Variants in CNOT6 observed in about 807,000 individuals in gnomAD.
CNOT6 encodes the protein carbon catabolite repression 4 protein.
Under a neutral mutation model 61.2 loss-of-function variants are expected in CNOT6, and 12 were observed. That is an observed-to-expected ratio of 0.20 (90% CI 0.13 to 0.32). The LOEUF (loss-of-function observed/expected upper bound fraction) is 0.32, where lower values mean the gene tolerates loss of function less well. Among genes scored for constraint, CNOT6 ranks in the 10% least tolerant of loss-of-function variants. CNOT6 has a pLI of 1.00. For synonymous variants in CNOT6, 225 were observed against 240.6 expected (o/e 0.94, Z 0.60); for missense variants, 405 against 663.9 (o/e 0.61, Z 4.28).
chr5:180,565,595 C>G (rs569807685), intron 6 of CNOT6, among the ~76,000 whole-genome samples: 52 of 152,146 alleles, frequency 3.4e-4, no homozygotes, highest in Non-Finnish European at 6.9e-4. Context: ...CTGTGCCTAC[C>G]TCTGTAGCAG....
At chr5:180,537,677 TTG>T (rs1444692618) in intron 2 of CNOT6, among the ~76,000 whole-genome samples, 1 of 152,170 alleles carries the variant, frequency 6.6e-6, no homozygotes, top group African/African-American at 2.4e-5. Context: ...CTTGACAGTA[TTG>T]TGTCTTCATA....
At chr5:180,549,829 T>C in intron 2 of CNOT6, 102 bp from the exon 3 acceptor site, 1 of 844,242 alleles carries the variant, frequency 1.2e-6, no homozygotes, top group East Asian at 2.5e-5. Context: ...TTTTGGATAA[T>C]AATTTAAGTT....
chr5:180,555,282 C>G (rs989130073), intron 4 of CNOT6, among the ~76,000 whole-genome samples: 4 of 152,178 alleles, frequency 2.6e-5, no homozygotes, highest in African/African-American at 9.7e-5. Flanking sequence ...GCTGGGGTTA[C>G]AGGCGTGAGC....
intron 1 of CNOT6, among the ~76,000 whole-genome samples, chr5:180,524,259 A>G (rs367720668): frequency 6.6e-6 from 1 of 152,236 alleles, no homozygotes; most frequent in East Asian, 1.9e-4. Flanking sequence ...GTGACATACT[A>G]TACTTTTTAG....
At chr5:180,549,243 T>C (rs552202249) in intron 2 of CNOT6, among the ~76,000 whole-genome samples, 9 of 152,302 alleles carry the variant, frequency 5.9e-5, no homozygotes, top group Admixed American at 5.9e-4. Flanking sequence ...GCCTCTGAGA[T>C]AGTAGAATTT....
At chr5:180,535,982 A>G (rs376187952) in intron 2 of CNOT6, among the ~76,000 whole-genome samples, 3 of 94,594 alleles carry the variant, frequency 3.2e-5, no homozygotes, top group African/African-American at 4.6e-5. Context: ...TTGCCCACTT[A>G]TTAGGGTTTT....
chr5:180,510,810 A>AC (rs1278719789), intron 1 of CNOT6, among the ~76,000 whole-genome samples: 2 of 151,330 alleles, frequency 1.3e-5, no homozygotes, highest in Admixed American at 1.3e-4. Flanking sequence ...TAGCACAGTT[A>AC]CTTTTTTTTT....
At chr5:180,548,699 T>G (rs538047785) in intron 2 of CNOT6, among the ~76,000 whole-genome samples, 166 of 152,358 alleles carry the variant, frequency 1.1e-3, no homozygotes, top group African/African-American at 3.9e-3. Context: ...AGAAATTTGC[T>G]GATTCATGTA....
intron 2 of CNOT6, among the ~76,000 whole-genome samples, chr5:180,541,584 T>C (rs1759045891): frequency 6.6e-6 from 1 of 150,836 alleles, no homozygotes; most frequent in Non-Finnish European, 1.5e-5. Context: ...CCCGAGTAGC[T>C]GGGACTAACA....
intron 4 of CNOT6, among the ~76,000 whole-genome samples, chr5:180,554,977 T>A (rs1430648425): frequency 6.6e-6 from 1 of 152,118 alleles, no homozygotes; most frequent in Non-Finnish European, 1.5e-5. Context: ...TCACAAACTT[T>A]ATTTGAAGTT....
At chr5:180,569,759 C>T (rs1306162372) in intron 10 of CNOT6, among the ~76,000 whole-genome samples, 1 of 152,098 alleles carries the variant, frequency 6.6e-6, no homozygotes, top group African/African-American at 2.4e-5. Context: ...TAGAAAAATA[C>T]ACCTCAGGTG....
At chr5:180,528,986 G>A (rs565316408) in intron 1 of CNOT6, among the ~76,000 whole-genome samples, 7 of 152,148 alleles carry the variant, frequency 4.6e-5, no homozygotes, top group Admixed American at 2.0e-4. Context: ...CAAGGCGGGC[G>A]GATCATGAGG....
chr5:180,572,709 C>A (rs1384607380), intron 11 of CNOT6, among the ~76,000 whole-genome samples: 1 of 144,434 alleles, frequency 6.9e-6, no homozygotes, highest in African/African-American at 2.5e-5. Flanking sequence ...GCCGCCATAC[C>A]CAGATCTTTT....
At position 180,576,778 on chromosome 5, in the gene CNOT6, A is replaced by G. The variant is rs188363858; in HGVS notation, c.*2578A>G. 1 of 152,340 alleles carries G rather than the reference A, an allele frequency of 6.6e-6. No individual in the cohort carries two copies. Among genetic ancestry groups the G allele is most frequent in the Admixed American group, 6.5e-5 (1 of 15,302 alleles). The allele number at this position is 152,340 out of a possible 1,614,324, so 9.4% of individuals were successfully genotyped here. ...TTCCGTGTCCTAAATAATTTTCAAT[A>G]ATCTATAATCCCTAAAATGCAATAA... On this transcript the variant is annotated 3_prime_UTR_variant, in exon 12 of 12. Coordinates refer to ENST00000261951, the MANE Select transcript of CNOT6 (RefSeq NM_001370472.1).
At chr5:180,564,931 A>G (rs1760376947) in intron 6 of CNOT6, among the ~76,000 whole-genome samples, 188 bp downstream of exon 6, 1 of 152,242 alleles carries the variant, frequency 6.6e-6, no homozygotes, top group South Asian at 2.1e-4. Context: ...CTATATAGAA[A>G]GTGTGCTATA....
chr5:180,563,057 A>G (rs1361758332), intron 4 of CNOT6, among the ~76,000 whole-genome samples: 2 of 152,216 alleles, frequency 1.3e-5, no homozygotes, highest in Non-Finnish European at 2.9e-5. Flanking sequence ...TAGAATCTTA[A>G]AACCGAAAGA....
At chr5:180,558,863 C>T (rs114253469) in intron 4 of CNOT6, among the ~76,000 whole-genome samples, 2,007 of 152,100 alleles carry the variant, frequency 0.013, 48 homozygotes, top group African/African-American at 0.046. Context: ...GGTTGGCTTC[C>T]GACTCTTGAG....
rs1761095818 is a variant in CNOT6, at chr5:180,578,298, T to C, written c.*4098T>C. On this transcript the variant is annotated 3_prime_UTR_variant, in exon 12 of 12. Coordinates refer to ENST00000261951, the MANE Select transcript of CNOT6 (RefSeq NM_001370472.1). The stretch of plus-strand genomic sequence containing the variant: ...GATATAAGGAATGGGCTCATGTGTC[T>C]TCCGTCTTTTGGAAGGAGGTTGACA... 1.3e-5 allele frequency: 2 copies of C among 152,784 alleles called. No individual in the cohort carries two copies. The highest frequency in any genetic ancestry group is 2.4e-5 in the African/African-American group (1 of 41,592). The allele number at this position is 152,784 out of a possible 1,614,324, so 9.5% of individuals were successfully genotyped here.
At position 180,571,403 on chromosome 5, in the gene CNOT6, C is replaced by T. The variant is rs748020280; in HGVS notation, c.1432C>T (p.Pro478Ser). The T allele has an allele frequency of 1.2e-6, 2 of 1,613,940 alleles. No homozygotes were observed. The highest frequency in any genetic ancestry group is 1.7e-6 in the Non-Finnish European group (2 of 1,179,842). The change falls in exon 11 of 12, where the codon CCT becomes TCT. Residue 478 changes from proline to serine, a missense_variant. Physicochemically the swap from Pro to Ser is moderately conservative, Grantham distance 74. This residue lies in a region of CNOT6 where 116 missense variants were observed against 184.6 expected (regional missense o/e 0.63). Coordinates refer to ENST00000261951, the MANE Select transcript of CNOT6 (RefSeq NM_001370472.1). Reference sequence around the variant, plus strand: ...GAGTGCCTATGAGAGTGGCCTGATGCCTTACACGAATTACACATTTGATTT... The same window carrying T: ...GAGTGCCTATGAGAGTGGCCTGATGTCTTACACGAATTACACATTTGATTT... The part of the protein sequence containing the change: ...LQSAYESGLM[P>S]YTNYTFDFKG...
Sources: allele counts gnomAD v4.1 joint callset (sites outside exome capture counted in the v4.1 genomes callset), GRCh38; gene constraint gnomAD v4.1.1; regional missense constraint gnomAD v4.1.1; transcripts MANE v1.5; gene names NCBI Gene and HGNC (gene_info 2026-07-23, HGNC 2026-07-21).